Variants in SLC15A4 observed in about 807,000 individuals in gnomAD.
The protein encoded by SLC15A4 is solute carrier family 15 member 4, also known as hPHT1.
Under a neutral mutation model 46.1 loss-of-function variants are expected in SLC15A4, and 26 were observed. The observed-to-expected ratio is 0.56, with a 90% CI of 0.41 to 0.78. The LOEUF (loss-of-function observed/expected upper bound fraction) is 0.78. SLC15A4 is among the 30% of genes least tolerant of loss of function. The pLI, the probability that SLC15A4 is intolerant of heterozygous loss-of-function variation, is 0.00. For missense variants in SLC15A4, 751 were observed against 755.7 expected (o/e 0.99, Z 0.07); for synonymous variants, 370 against 333.4 (o/e 1.11, Z -1.20).
intron 6 of SLC15A4, among the ~76,000 whole-genome samples, chr12:128,799,631 A>G (rs1417198242): frequency 1.3e-5 from 2 of 152,220 alleles, no homozygotes; most frequent in Non-Finnish European, 2.9e-5. Context: ...AGCCATTAGG[A>G]TAATTCCTAA....
chr12:128,800,206 G>A (rs188170645), intron 6 of SLC15A4, among the ~76,000 whole-genome samples: 35 of 152,132 alleles, frequency 2.3e-4, no homozygotes, highest in African/African-American at 6.0e-4. Context: ...AACTAGACAC[G>A]GAGATTTGTA....
intron 1 of SLC15A4, chr12:128,816,026 CAT>C (rs1270307789): frequency 6.6e-6 from 1 of 152,210 alleles, no homozygotes; most frequent in Non-Finnish European, 1.5e-5. Context: ...GATAAAACCA[CAT>C]GCTATTTTTA....
intron 1 of SLC15A4, among the ~76,000 whole-genome samples, chr12:128,822,426 G>T (rs1217946762): frequency 6.6e-6 from 1 of 152,218 alleles, no homozygotes; most frequent in Non-Finnish European, 1.5e-5. Flanking sequence ...TCCTGGCCCA[G>T]GGCCCTGCAC....
chr12:128,794,429 A>G, intron 7 of SLC15A4, 73 bp from the exon 8 acceptor site: 1 of 1,445,742 alleles, frequency 6.9e-7, no homozygotes, highest in Non-Finnish European at 9.4e-7. Flanking sequence ...TTACTATTTA[A>G]TCTGGTTCCC....
chr12:128,820,158 G>A (rs939400234), intron 1 of SLC15A4, among the ~76,000 whole-genome samples: 1 of 152,204 alleles, frequency 6.6e-6, no homozygotes, highest in African/African-American at 2.4e-5. Flanking sequence ...TCCTTCATGA[G>A]CCAATGGCAC....
At chr12:128,798,463 G>A (rs1480365444) in intron 7 of SLC15A4, among the ~76,000 whole-genome samples, 2 of 152,190 alleles carry the variant, frequency 1.3e-5, no homozygotes, top group Non-Finnish European at 2.9e-5. Context: ...GAAGGGCTCT[G>A]GGAATTCTGC....
At chr12:128,801,208 T>A in intron 5 of SLC15A4, 199 bp from the exon 6 acceptor site, 1 of 486,386 alleles carries the variant, frequency 2.1e-6, no homozygotes. Flanking sequence ...GGTCATGGCA[T>A]AGCACACCTA....
At position 128,800,967 on chromosome 12, in the gene SLC15A4, G is replaced by A. The variant is rs373845024; in HGVS notation, c.1301C>T (p.Thr434Ile). ...SKRLNLVKEK[T>I]INQTIGNVVY... Reference sequence around the variant, plus strand: ...GACGTTGCCGATGGTCTGATTAATGGTTTTCTCTTTAACAAGGTTCAGCCT... The same window carrying A: ...GACGTTGCCGATGGTCTGATTAATGATTTTCTCTTTAACAAGGTTCAGCCT... The change falls in exon 6 of 8, where the codon ACC (threonine) becomes ATC (isoleucine). Residue 434 changes from threonine to isoleucine, a missense_variant. Thr to Ile is a moderately conservative substitution (Grantham distance 89). Coordinates refer to ENST00000266771, the MANE Select transcript of SLC15A4 (RefSeq NM_145648.4). The A allele has an allele frequency of 1.2e-6, 2 of 1,613,808 alleles. No homozygotes were observed. The highest frequency in any genetic ancestry group is 1.3e-5 in the African/African-American group (1 of 75,028).
chr12:128,823,566 G>A lies in SLC15A4; in HGVS notation c.378C>T (p.Pro126=), dbSNP rs1242161004. Residue 126 remains proline, a synonymous_variant, in exon 1 of 8, where the codon CCC becomes CCT. Coordinates refer to ENST00000266771, the MANE Select transcript of SLC15A4 (RefSeq NM_145648.4). The part of the protein sequence containing the change: ...GMLAFPLLAA[P]ATRAALCGSA... ...AACCGCAGAGCGCGGCTCGCGTGGC[G>A]GGCGCGGCCAGCAGCGGGAAGGCCA... 2.1e-6 allele frequency: 3 copies of A among 1,441,402 alleles called. No individual in the cohort carries two copies. The highest frequency in any genetic ancestry group is 1.8e-6 in the Non-Finnish European group (2 of 1,105,176). 89.3% of individuals were successfully genotyped at this position (1,441,402 alleles called of 1,614,324 possible).
At chr12:128,801,132 C>G in intron 5 of SLC15A4, 123 bp from the exon 6 acceptor site, 1 of 870,982 alleles carries the variant, frequency 1.1e-6, no homozygotes, top group Non-Finnish European at 1.7e-6. Context: ...AGGACCACGT[C>G]TAATCACAGC....
intron 5 of SLC15A4, among the ~76,000 whole-genome samples, chr12:128,808,583 C>A (rs1203446465): frequency 6.6e-6 from 1 of 152,102 alleles, no homozygotes; most frequent in Non-Finnish European, 1.5e-5. Context: ...GGTTTTAGTA[C>A]CAGCAGAAAA....
At chr12:128,799,855 T>G (rs576848719) in intron 6 of SLC15A4, among the ~76,000 whole-genome samples, 2 of 152,342 alleles carry the variant, frequency 1.3e-5, no homozygotes, top group African/African-American at 4.8e-5. Flanking sequence ...ATCTTTTTTT[T>G]GTTGAGACGG....
chr12:128,821,540 G>C (rs1417880462), intron 1 of SLC15A4, among the ~76,000 whole-genome samples: 1 of 152,142 alleles, frequency 6.6e-6, no homozygotes, highest in African/African-American at 2.4e-5. Flanking sequence ...ATTGAAATTT[G>C]ATTTTCATAA....
At chr12:128,822,183 C>T (rs1437459195) in intron 1 of SLC15A4, among the ~76,000 whole-genome samples, 1 of 152,212 alleles carries the variant, frequency 6.6e-6, no homozygotes, top group Non-Finnish European at 1.5e-5. Flanking sequence ...TACTTGGTGG[C>T]CACGTCCTTG....
chr12:128,816,266 T>G (rs965542825), intron 1 of SLC15A4, among the ~76,000 whole-genome samples: 3 of 152,174 alleles, frequency 2.0e-5, no homozygotes, highest in Non-Finnish European at 4.4e-5. Context: ...GATTTTTACG[T>G]CTAAATAAGA....
At chr12:128,815,137 G>T (rs745980672) in intron 1 of SLC15A4, 67 bp from the exon 2 acceptor site, 3 of 1,419,450 alleles carry the variant, frequency 2.1e-6, no homozygotes, top group South Asian at 2.6e-5. Flanking sequence ...AACCATATAC[G>T]GTCAAGTGGT....
chr12:128,804,559 G>A (rs182608744), intron 5 of SLC15A4, among the ~76,000 whole-genome samples: 27 of 152,158 alleles, frequency 1.8e-4, no homozygotes, highest in Admixed American at 1.3e-3. Context: ...GTGAAACCCC[G>A]TCTCTACTAA....
In SLC15A4 at chr12:128,812,568, G is replaced by A. The variant is rs1234609224; in HGVS notation, c.842+2207C>T. On this transcript the variant is annotated intron_variant, in intron 2 of 7. Coordinates refer to ENST00000266771, the MANE Select transcript of SLC15A4 (RefSeq NM_145648.4). ...CCTGACCTCGTGATCCGCCCGCCTC[G>A]GCCTCCCAAAGTGCTGGGATTACGG... 2.6e-5 allele frequency among the ~76,000 whole-genome samples: 4 copies of A among 151,942 alleles called. No homozygotes were observed. In the South Asian group the frequency reaches 6.2e-4, roughly 24 times the overall value.
Position 128,794,302 on chromosome 12 carries a change from T to C in SLC15A4, c.1628A>G (p.Gln543Arg), listed in dbSNP as rs974442962. Residue 543 changes from glutamine to arginine, a missense_variant, in exon 8 of 8, where the codon CAA (glutamine) becomes CGA (arginine). Gln to Arg is a conservative substitution (Grantham distance 43). Transcript: ENST00000266771. ...NYYFFLLAAI[Q>R]GATLLLFLII... ...GAGGAAAAGCAGGAGGGTAGCTCCTTGAATAGCAGCCAGAAGAAAAAAGTA... is the reference window on the plus strand; with the variant it reads ...GAGGAAAAGCAGGAGGGTAGCTCCTCGAATAGCAGCCAGAAGAAAAAAGTA... 1 of 1,613,658 alleles carries C rather than the reference T, an allele frequency of 6.2e-7. No homozygotes were observed. The highest frequency in any genetic ancestry group is 2.2e-5 in the East Asian group (1 of 44,872).
Sources: gnomAD v4.1 joint callset for allele counts (sites outside exome capture counted in the v4.1 genomes callset) on GRCh38, gnomAD v4.1.1 for gene constraint, MANE v1.5 for transcripts, NCBI Gene and HGNC (gene_info 2026-07-23, HGNC 2026-07-21) for gene names.